Variants in SIPA1L1 observed in about 807,000 individuals in gnomAD.
SIPA1L1 encodes the protein signal-induced proliferation-associated 1-like protein 1.
A neutral mutation model predicts 162.7 loss-of-function variants in SIPA1L1; 26 were observed. The observed-to-expected ratio is 0.16, with a 90% CI of 0.12 to 0.22. The LOEUF is 0.22. Among genes scored for constraint, SIPA1L1 ranks in the 10% least tolerant of loss-of-function variants. The probability of loss-of-function intolerance (pLI) is 1.00; values close to 1 mark genes in which losing one functional copy is unlikely to be tolerated. For synonymous variants in SIPA1L1, 829 were observed against 837.4 expected (o/e 0.99, Z 0.17); for missense variants, 1,874 against 2,241.0 (o/e 0.84, Z 3.31).
chr14:71,622,237 TAAA>T (rs1243609831), intron 6 of SIPA1L1, among the ~76,000 whole-genome samples: 1 of 151,988 alleles, frequency 6.6e-6, no homozygotes, highest in African/African-American at 2.4e-5. Context: ...TTGCAAAACA[TAAA>T]AGAAGATATA....
intron 3 of SIPA1L1, among the ~76,000 whole-genome samples, chr14:71,525,245 C>CG (rs2052745572): frequency 6.6e-6 from 1 of 150,902 alleles, no homozygotes. Flanking sequence ...TGCAGTGGTA[C>CG]GATCTCGGCT....
intron 5 of SIPA1L1, among the ~76,000 whole-genome samples, chr14:71,599,906 T>A (rs2036531433): frequency 6.6e-6 from 1 of 152,154 alleles, no homozygotes; most frequent in Non-Finnish European, 1.5e-5. Context: ...CTATTGGCCA[T>A]ATGTGTGTAT....
chr14:71,685,331 T>C, intron 12 of SIPA1L1, 31 bp from the exon 13 acceptor site: 2 of 1,608,782 alleles, frequency 1.2e-6, no homozygotes, highest in Non-Finnish European at 1.7e-6. Context: ...CAGTATCCAT[T>C]GTGTTTCTCC....
chr14:71,588,616 T>A lies in SIPA1L1; in HGVS notation c.744T>A (p.Ile248=). 3 of 1,614,074 alleles carry A rather than the reference T, an allele frequency of 1.9e-6. No individual in the cohort carries two copies. Among genetic ancestry groups the A allele is most frequent in the Non-Finnish European group, 2.5e-6 (3 of 1,179,976 alleles). The change falls in exon 5 of 24, where the codon ATT becomes ATA. Residue 248 remains isoleucine (I), a synonymous_variant. Coordinates refer to ENST00000381232, the MANE Select transcript of SIPA1L1 (RefSeq NM_001386936.1). This position sits in a 1 kb window ranked among gnomAD's most constrained non-coding sequence, Gnocchi z 4.3. ...PTPTKLSDFL[I]TGGGKGSGFS... ...CAACCAAGCTCAGTGACTTTCTCAT[T>A]ACTGGTGGTGGCAAGGGTTCTGGTT...
chr14:71,519,024 T>C (rs1330408586), intron 3 of SIPA1L1, among the ~76,000 whole-genome samples: 2 of 152,124 alleles, frequency 1.3e-5, no homozygotes, highest in Admixed American at 1.3e-4. Context: ...CCCCCATGAT[T>C]CAATTACCTT....
chr14:71,328,272 G>A (rs181408177), intron 2 of SIPA1L1, among the ~76,000 whole-genome samples: 8 of 152,178 alleles, frequency 5.3e-5, no homozygotes, highest in African/African-American at 1.9e-4. Flanking sequence ...GGGTGAGATT[G>A]TTCTGAAGGC....
At position 71,709,451 on chromosome 14, in the gene SIPA1L1, G is replaced by C; in HGVS notation, c.3995G>C (p.Gly1332Ala). 1 of 1,614,190 alleles carries C rather than the reference G, an allele frequency of 6.2e-7. No individual in the cohort carries two copies. Among genetic ancestry groups the C allele is most frequent in the Non-Finnish European group, 8.5e-7 (1 of 1,180,028 alleles). The change falls in exon 17 of 24, where the codon GGG becomes GCG. Residue 1332 changes from glycine (G) to alanine (A), a missense_variant. Gly to Ala is a moderately conservative substitution (Grantham distance 60). Around this residue, in one of 5 missense-constraint regions of SIPA1L1, gnomAD observed 936 missense variants for 1,051.9 expected, o/e 0.89. Transcript: ENST00000381232. ...LGAATSSPRS[G>A]PGKEKVAPLW... Reference sequence around the variant, plus strand: ...GCTGCCACATCGTCACCTCGCTCAGGGCCAGGCAAGGAGAAAGTGGCACCC... The same window carrying C: ...GCTGCCACATCGTCACCTCGCTCAGCGCCAGGCAAGGAGAAAGTGGCACCC...
chr14:71,361,801 A>G (rs1350984546), intron 2 of SIPA1L1, among the ~76,000 whole-genome samples: 1 of 152,188 alleles, frequency 6.6e-6, no homozygotes, highest in East Asian at 1.9e-4. Flanking sequence ...ATTGTCTTGC[A>G]CTAGCAGGTT....
chr14:71,707,880 T>C (rs1475473958), intron 16 of SIPA1L1, among the ~76,000 whole-genome samples: 1 of 152,146 alleles, frequency 6.6e-6, no homozygotes, highest in African/African-American at 2.4e-5. Context: ...ATACCCAACA[T>C]TGCCAACATT....
At chr14:71,399,583 T>G (rs758833517) in intron 2 of SIPA1L1, among the ~76,000 whole-genome samples, 3 of 152,072 alleles carry the variant, frequency 2.0e-5, no homozygotes, top group Non-Finnish European at 4.4e-5. Context: ...TTTTAGAATT[T>G]TATTTTGTAG....
intron 2 of SIPA1L1, among the ~76,000 whole-genome samples, chr14:71,408,526 T>C (rs2140232951): frequency 6.6e-6 from 1 of 152,312 alleles, no homozygotes; most frequent in Middle Eastern, 3.4e-3. Flanking sequence ...GGGCCTGACT[T>C]GGTAGCCTGT....
At chr14:71,403,201 GAGTTTA>G (rs1192534318) in intron 2 of SIPA1L1, among the ~76,000 whole-genome samples, 1 of 152,024 alleles carries the variant, frequency 6.6e-6, no homozygotes, top group East Asian at 1.9e-4. Flanking sequence ...TTTTCTTTTT[GAGTTTA>G]AGTTTTAGAA....
chr14:71,649,880 T>A (rs988245901), intron 7 of SIPA1L1, among the ~76,000 whole-genome samples: 10 of 152,116 alleles, frequency 6.6e-5, no homozygotes, highest in African/African-American at 2.4e-4. Flanking sequence ...ACTGCAAAAA[T>A]ATTAGTGGAC....
intron 13 of SIPA1L1, among the ~76,000 whole-genome samples, chr14:71,689,325 A>T (rs960737902): frequency 2.0e-5 from 3 of 152,186 alleles, no homozygotes; most frequent in Non-Finnish European, 4.4e-5. Flanking sequence ...TATGAGTTTT[A>T]TGCTCTCCAG....
intron 2 of SIPA1L1, among the ~76,000 whole-genome samples, chr14:71,437,949 A>T (rs1346945281): frequency 6.6e-6 from 1 of 152,122 alleles, no homozygotes; most frequent in East Asian, 1.9e-4. Flanking sequence ...TTAGTTGTTT[A>T]CTCAGCATCT....
At chr14:71,403,729 A>C (rs956136607) in intron 2 of SIPA1L1, among the ~76,000 whole-genome samples, 3 of 152,076 alleles carry the variant, frequency 2.0e-5, no homozygotes, top group African/African-American at 7.2e-5. Context: ...TCAAAATTAA[A>C]TTCTGAGTAA....
intron 2 of SIPA1L1, among the ~76,000 whole-genome samples, chr14:71,426,221 G>A (rs1367154982): frequency 1.3e-5 from 2 of 152,062 alleles, no homozygotes; most frequent in Non-Finnish European, 2.9e-5. Flanking sequence ...TGATTAGAGA[G>A]TTTAATCCAT....
At chr14:71,690,372 A>G (rs563460508) in intron 13 of SIPA1L1, among the ~76,000 whole-genome samples, 1 of 152,060 alleles carries the variant, frequency 6.6e-6, no homozygotes, top group South Asian at 2.1e-4. Flanking sequence ...CTGAGTAACT[A>G]GTACTGCAGG....
chr14:71,692,541 G>A (rs1045258324), intron 13 of SIPA1L1, among the ~76,000 whole-genome samples: 2 of 152,208 alleles, frequency 1.3e-5, no homozygotes, highest in Non-Finnish European at 2.9e-5. Context: ...ATCCATGTCA[G>A]GATTAGAGTT....
Sources: gnomAD v4.1 joint callset for allele counts (sites outside exome capture counted in the v4.1 genomes callset) on GRCh38, gnomAD v4.1.1 for gene constraint, gnomAD v4.1.1 regional missense constraint, Gnocchi (gnomAD v3.1) non-coding constraint, MANE v1.5 for transcripts, NCBI Gene and HGNC (gene_info 2026-07-23, HGNC 2026-07-21) for gene names.